GBE1: variants seen among roughly 807,000 people sequenced by gnomAD.
GBE1 encodes the protein 1,4-alpha-glucan branching enzyme 1.
Under a neutral mutation model 88.8 loss-of-function variants are expected in GBE1, and 70 were observed. The observed-to-expected ratio is 0.79, with a 90% CI of 0.65 to 0.96. GBE1 has a LOEUF of 0.96. Among genes scored for constraint, GBE1 ranks in the 40% least tolerant of loss-of-function variants. GBE1 has a pLI of 0.00. For missense variants in GBE1, 872 were observed against 871.0 expected, an observed-to-expected ratio of 1.00 and a Z score of -0.01; for synonymous variants, 284 against 300.1, an observed-to-expected ratio of 0.95 and a Z score of 0.56.
chr3:81,640,838 G>T (rs1704667819), intron 7 of GBE1, among the ~76,000 whole-genome samples: 1 of 151,528 alleles, frequency 6.6e-6, no homozygotes, highest in South Asian at 2.1e-4. Context: ...CAAATAAAAT[G>T]GTCACAATAA....
intron 2 of GBE1, among the ~76,000 whole-genome samples, chr3:81,692,069 T>C (rs1705528826): frequency 6.6e-6 from 1 of 152,108 alleles, no homozygotes; most frequent in African/African-American, 2.4e-5. Flanking sequence ...AGCCCAGACT[T>C]CAGCATCTTC....
intron 7 of GBE1, among the ~76,000 whole-genome samples, chr3:81,612,036 G>A (rs1704188348): frequency 6.6e-6 from 1 of 151,934 alleles, no homozygotes; most frequent in South Asian, 2.1e-4. Context: ...TTACTAATAT[G>A]CATTAATCAG....
chr3:81,539,220 G>A (rs752738886), intron 12 of GBE1, among the ~76,000 whole-genome samples: 14 of 151,976 alleles, frequency 9.2e-5, no homozygotes, highest in Non-Finnish European at 1.9e-4. Flanking sequence ...AGCATGTTGT[G>A]CACAAGTAAA....
At chr3:81,645,281 A>G (rs766916936) in intron 6 of GBE1, among the ~76,000 whole-genome samples, 2 of 152,186 alleles carry the variant, frequency 1.3e-5, no homozygotes, top group African/African-American at 2.4e-5. Context: ...ATGATGAGGA[A>G]AGAGCAAAGG....
At chr3:81,756,024 T>C (rs1335240235) in intron 1 of GBE1, among the ~76,000 whole-genome samples, 2 of 152,128 alleles carry the variant, frequency 1.3e-5, no homozygotes, top group Admixed American at 1.3e-4. Flanking sequence ...TGAAAATTAT[T>C]TTATTTCTAA....
chr3:81,668,282 G>C (rs560195971), intron 3 of GBE1, among the ~76,000 whole-genome samples: 2 of 152,032 alleles, frequency 1.3e-5, no homozygotes, highest in African/African-American at 4.8e-5. Context: ...CATGGCACAC[G>C]TATATCTATG....
chr3:81,704,804 C>T (rs1705749309), intron 2 of GBE1, among the ~76,000 whole-genome samples: 1 of 152,000 alleles, frequency 6.6e-6, no homozygotes, highest in Admixed American at 6.6e-5. Context: ...GATTGTATTA[C>T]AGTTATTTAC....
intron 7 of GBE1, among the ~76,000 whole-genome samples, chr3:81,615,481 T>A (rs1704237252): frequency 6.6e-6 from 1 of 152,178 alleles, no homozygotes; most frequent in Admixed American, 6.5e-5. Context: ...TAATTTCTTC[T>A]CCATTTCTTT....
intron 7 of GBE1, among the ~76,000 whole-genome samples, chr3:81,630,596 CA>C (rs1357451941): frequency 1.3e-5 from 2 of 152,108 alleles, no homozygotes; most frequent in Admixed American, 1.3e-4. Flanking sequence ...GTAGGTGAAT[CA>C]ACTTTTTGCT....
intron 2 of GBE1, among the ~76,000 whole-genome samples, chr3:81,680,177 C>A (rs554815415): frequency 6.6e-6 from 1 of 152,234 alleles, no homozygotes; most frequent in South Asian, 2.1e-4. Flanking sequence ...TAAATACTAC[C>A]ATGACAAGTG....
At chr3:81,586,790 AT>A (rs11320816) in intron 9 of GBE1, among the ~76,000 whole-genome samples, 91,633 of 146,788 alleles carry the variant, frequency 0.62, 29,183 homozygotes, top group East Asian at 0.91. Context: ...AAGATAGAGA[AT>A]TTTTTTTTTT....
chr3:81,696,116 T>G (rs1287959836), intron 2 of GBE1, among the ~76,000 whole-genome samples: 2 of 151,752 alleles, frequency 1.3e-5, no homozygotes, highest in African/African-American at 2.4e-5. Flanking sequence ...GGGTTGAAAA[T>G]ATAAAGAATA....
intron 9 of GBE1, among the ~76,000 whole-genome samples, chr3:81,590,582 G>A (rs542996435): frequency 2.5e-4 from 38 of 151,972 alleles, no homozygotes; most frequent in Non-Finnish European, 4.4e-4. Context: ...CAATCTGAGA[G>A]CAATAACATA....
chr3:81,647,566 A>G (rs1318871729), intron 5 of GBE1, among the ~76,000 whole-genome samples: 1 of 152,170 alleles, frequency 6.6e-6, no homozygotes, highest in African/African-American at 2.4e-5. Flanking sequence ...TTCTTGAAGT[A>G]TAATTTGGTA....
chr3:81,661,483 T>A (rs534354379), intron 3 of GBE1, among the ~76,000 whole-genome samples: 1 of 152,202 alleles, frequency 6.6e-6, no homozygotes, highest in Non-Finnish European at 1.5e-5. Context: ...TAAACACTTG[T>A]TGAGATTGAT....
At chr3:81,749,257 C>T (rs1706461899) in intron 1 of GBE1, among the ~76,000 whole-genome samples, 1 of 151,728 alleles carries the variant, frequency 6.6e-6, no homozygotes, top group African/African-American at 2.4e-5. Context: ...CAATGGAATA[C>T]CACTAAGTGA....
At chr3:81,697,813 A>C (rs1444466969) in intron 2 of GBE1, among the ~76,000 whole-genome samples, 1 of 152,036 alleles carries the variant, frequency 6.6e-6, no homozygotes, top group African/African-American at 2.4e-5. Flanking sequence ...GGAAGGAAGA[A>C]GGAAGAAAGA....
intron 2 of GBE1, among the ~76,000 whole-genome samples, chr3:81,680,365 C>T (rs1186628536): frequency 6.6e-6 from 1 of 151,838 alleles, no homozygotes; most frequent in Non-Finnish European, 1.5e-5. Flanking sequence ...GGCGTGGTGG[C>T]GGGCACTGTA....
chr3:81,720,836 T>G (rs1311844587), intron 1 of GBE1, among the ~76,000 whole-genome samples: 2 of 148,908 alleles, frequency 1.3e-5, no homozygotes, highest in Non-Finnish European at 3.0e-5. Flanking sequence ...ATTAAGAAAA[T>G]GTGGCACATA....
Sources: gnomAD v4.1 joint callset for allele counts (sites outside exome capture counted in the v4.1 genomes callset) on GRCh38, gnomAD v4.1.1 for gene constraint, MANE v1.5 for transcripts, NCBI Gene and HGNC (gene_info 2026-07-23, HGNC 2026-07-21) for gene names.